AGBL4: variants seen among roughly 807,000 people sequenced by gnomAD.
AGBL4 encodes the protein AGBL carboxypeptidase 4, also known as cytosolic carboxypeptidase 6.
A neutral mutation model predicts 66.4 loss-of-function variants in AGBL4; 58 were observed. The ratio of observed to expected loss-of-function variants is 0.87; its 90% CI spans 0.71 to 1.09. AGBL4 has a LOEUF of 1.09. Among genes scored for constraint, AGBL4 ranks in the 50% least tolerant of loss-of-function variants. The probability of loss-of-function intolerance (pLI) is 0.00; values close to 1 mark genes in which losing one functional copy is unlikely to be tolerated. For missense variants in AGBL4, 579 were observed against 631.0 expected, an observed-to-expected ratio of 0.92 and a Z score of 0.88; for synonymous variants, 234 against 222.9, an observed-to-expected ratio of 1.05 and a Z score of -0.44.
chr1:49,574,256 G>A lies in AGBL4; in HGVS notation c.282+123057C>T, dbSNP rs560559395. On this transcript the variant is annotated intron_variant, in intron 3 of 13. Transcript: ENST00000371839. ...ATGGGATAATGGTGGAAGGAACACA[G>A]ACTTGGATTAGGCTGAATTTATTGA... Among the ~76,000 whole-genome samples, 3 of 152,336 alleles carry A rather than the reference G, an allele frequency of 2.0e-5. No individual in the cohort carries two copies. In the South Asian group the frequency reaches 6.2e-4, roughly 32 times the overall value.
At position 49,917,305 on chromosome 1, in the gene AGBL4, C is replaced by G. The variant is rs12041482; in HGVS notation, c.35-65787G>C. 8.0e-3 allele frequency among the ~76,000 whole-genome samples: 1,222 copies of G among 151,832 alleles called. 8 individuals carry two copies. The highest frequency in any genetic ancestry group is 0.031 in the Middle Eastern group (9 of 294). The stretch of plus-strand genomic sequence containing the variant: ...CACAGACTGGCAAATTGGATAAACA[C>G]TCAAGATCCATCAGTGTGCTGTATT... On this transcript the variant is annotated intron_variant, in intron 1 of 13. Coordinates refer to ENST00000371839, the MANE Select transcript of AGBL4 (RefSeq NM_032785.4).
chr1:49,532,626 C>T (rs2148815334), intron 3 of AGBL4, among the ~76,000 whole-genome samples: 1 of 152,146 alleles, frequency 6.6e-6, no homozygotes, highest in African/African-American at 2.4e-5. Context: ...TGTGCTTTCA[C>T]CTTTAATTAC....
At position 49,964,672 on chromosome 1, in the gene AGBL4, T is replaced by C. The variant is rs181092468; in HGVS notation, c.34+59091A>G. ...TACTTAAACAGTAGATAATTATCTA[T>C]TAGATTTTAAAACAATGTATTATGT... is the stretch of plus-strand genomic sequence containing the variant. On this transcript the variant is annotated intron_variant, in intron 1 of 13. Coordinates refer to ENST00000371839, the MANE Select transcript of AGBL4 (RefSeq NM_032785.4). 1.9e-3 allele frequency among the ~76,000 whole-genome samples: 285 copies of C among 152,282 alleles called. 3 individuals carry two copies. The highest frequency in any genetic ancestry group is 6.6e-3 in the African/African-American group (276 of 41,578).
At chr1:49,739,317 C>G (rs1398614279) in intron 2 of AGBL4, among the ~76,000 whole-genome samples, 1 of 151,630 alleles carries the variant, frequency 6.6e-6, no homozygotes, top group Non-Finnish European at 1.5e-5. Flanking sequence ...GATGGAAGAT[C>G]AAATGAATGA....
intron 5 of AGBL4, among the ~76,000 whole-genome samples, chr1:49,034,441 T>A: frequency 6.6e-6 from 1 of 152,108 alleles, no homozygotes; most frequent in East Asian, 1.9e-4. Context: ...TCTCCAGTAA[T>A]ATGCCTAGGT....
At chr1:49,150,555 C>A (rs1646307951) in intron 4 of AGBL4, among the ~76,000 whole-genome samples, 1 of 152,150 alleles carries the variant, frequency 6.6e-6, no homozygotes, top group South Asian at 2.1e-4. Flanking sequence ...AAATTTGCTA[C>A]AATAAAATGT....
chr1:49,620,052 T>A (rs1228707408), intron 3 of AGBL4, among the ~76,000 whole-genome samples: 2 of 152,090 alleles, frequency 1.3e-5, no homozygotes, highest in Admixed American at 1.3e-4. Context: ...ATTCAGGACA[T>A]AAGCATGGGC....
rs150904309 is a variant in AGBL4, at chr1:49,306,744, A to C, written c.283-60880T>G. 8.4e-4 allele frequency among the ~76,000 whole-genome samples: 128 copies of C among 152,308 alleles called. 3 individuals carry two copies. In the South Asian group the frequency reaches 0.015, roughly 18 times the overall value. ...GTGGGGATAGAGAAGAAATTATGGT[A>C]ATTTCAATGACAGTGTTATTCATCT... On this transcript the variant is annotated intron_variant, in intron 3 of 13. Coordinates refer to ENST00000371839, the MANE Select transcript of AGBL4 (RefSeq NM_032785.4).
At chr1:49,199,242 GAA>G (rs1346245006) in intron 4 of AGBL4, among the ~76,000 whole-genome samples, 1 of 152,152 alleles carries the variant, frequency 6.6e-6, no homozygotes, top group African/African-American at 2.4e-5. Context: ...ATACAGAGTT[GAA>G]CCTATAGTTG....
intron 4 of AGBL4, among the ~76,000 whole-genome samples, chr1:49,210,819 C>G (rs1648607444): frequency 6.6e-6 from 1 of 152,064 alleles, no homozygotes; most frequent in African/African-American, 2.4e-5. Flanking sequence ...CAACTTAGCC[C>G]TGCTGTGAGT....
At chr1:49,450,708 C>A (rs1646260401) in intron 3 of AGBL4, among the ~76,000 whole-genome samples, 1 of 151,890 alleles carries the variant, frequency 6.6e-6, no homozygotes, top group Admixed American at 6.6e-5. Context: ...TGGCTCAATT[C>A]TTTTAGGAGA....
intron 2 of AGBL4, among the ~76,000 whole-genome samples, chr1:49,705,446 G>A (rs1292714649): frequency 6.6e-6 from 1 of 151,050 alleles, no homozygotes; most frequent in African/African-American, 2.4e-5. Context: ...CTAGCCAGAT[G>A]AGGGGATTTT....
intron 1 of AGBL4, among the ~76,000 whole-genome samples, chr1:49,982,294 G>C (rs967874857): frequency 1.3e-5 from 2 of 152,242 alleles, no homozygotes; most frequent in African/African-American, 4.8e-5. Context: ...GCCAAGGACA[G>C]GTAGAAGCCC....
At chr1:49,137,145 C>T (rs1219255194) in intron 4 of AGBL4, among the ~76,000 whole-genome samples, 1 of 152,072 alleles carries the variant, frequency 6.6e-6, no homozygotes, top group Non-Finnish European at 1.5e-5. Context: ...AATAAAGTTT[C>T]TATGCTATAG....
intron 3 of AGBL4, among the ~76,000 whole-genome samples, chr1:49,648,399 A>G (rs1407765398): frequency 6.6e-6 from 1 of 152,010 alleles, no homozygotes; most frequent in Non-Finnish European, 1.5e-5. Context: ...TGCAACATAC[A>G]CATAAAGGGA....
intron 6 of AGBL4, among the ~76,000 whole-genome samples, chr1:48,804,689 AG>A (rs777114342): frequency 2.6e-5 from 4 of 152,138 alleles, no homozygotes; most frequent in Non-Finnish European, 4.4e-5. Flanking sequence ...TAGGGGCTCT[AG>A]GGGTCTGGAG....
At chr1:48,814,034 G>T (rs1034000074) in intron 6 of AGBL4, among the ~76,000 whole-genome samples, 1 of 152,096 alleles carries the variant, frequency 6.6e-6, no homozygotes, top group South Asian at 2.1e-4. Context: ...AATTGGCTGA[G>T]ATGAGGTTAG....
chr1:49,828,841 C>T (rs143506464), intron 2 of AGBL4, among the ~76,000 whole-genome samples: 192 of 152,078 alleles, frequency 1.3e-3, no homozygotes, highest in African/African-American at 4.4e-3. Context: ...AAGGCCGAGG[C>T]GGGCGGATCA....
At chr1:48,806,125 G>A (rs1023675964) in intron 6 of AGBL4, among the ~76,000 whole-genome samples, 1 of 152,080 alleles carries the variant, frequency 6.6e-6, no homozygotes, top group African/African-American at 2.4e-5. Context: ...TATGAGATTA[G>A]GTTCTGAAAA....
Sources: allele counts gnomAD v4.1 joint callset (sites outside exome capture counted in the v4.1 genomes callset), GRCh38; gene constraint gnomAD v4.1.1; transcripts MANE v1.5; gene names NCBI Gene and HGNC (gene_info 2026-07-23, HGNC 2026-07-21).